LTBP1: variants seen among roughly 807,000 people sequenced by gnomAD.
LTBP1 encodes the protein latent-transforming growth factor beta-binding protein 1.
LTBP1 carries 129 observed loss-of-function variants against 207.6 expected under a neutral mutation model. The observed-to-expected ratio is 0.62, with a 90% CI of 0.54 to 0.72. The LOEUF is 0.72. LTBP1 is among the 30% of genes least tolerant of loss of function. LTBP1 has a pLI of 0.00. For synonymous variants in LTBP1, 963 were observed against 833.7 expected, an observed-to-expected ratio of 1.16 and a Z score of -2.67; for missense variants, 2,281 against 2,217.2, an observed-to-expected ratio of 1.03 and a Z score of -0.58.
At chr2:33,331,545 C>G (rs1040541710) in intron 24 of LTBP1, among the ~76,000 whole-genome samples, 1 of 152,024 alleles carries the variant, frequency 6.6e-6, no homozygotes, top group Non-Finnish European at 1.5e-5. Flanking sequence ...TTACTGGTTT[C>G]TACCTTAAAA....
intron 2 of LTBP1, among the ~76,000 whole-genome samples, chr2:32,950,286 G>A (rs1676901835): frequency 2.6e-5 from 4 of 152,192 alleles, no homozygotes; most frequent in African/African-American, 7.2e-5. Context: ...GCCTGGTGCG[G>A]TGACTCATGC....
chr2:33,193,720 T>C (rs1266016484), intron 7 of LTBP1, among the ~76,000 whole-genome samples: 1 of 152,184 alleles, frequency 6.6e-6, no homozygotes, highest in African/African-American at 2.4e-5. Flanking sequence ...GTTATGGTGA[T>C]GTGTGATAAG....
intron 5 of LTBP1, among the ~76,000 whole-genome samples, chr2:33,148,281 A>G (rs540992926): frequency 6.6e-6 from 1 of 152,366 alleles, no homozygotes; most frequent in South Asian, 2.1e-4. Context: ...AAGAGAAGCT[A>G]CACTTGAATT....
intron 10 of LTBP1, among the ~76,000 whole-genome samples, chr2:33,251,664 C>G (rs1380448291): frequency 3.0e-5 from 2 of 65,844 alleles, no homozygotes; most frequent in African/African-American, 6.4e-5. Flanking sequence ...GACTCAGTCT[C>G]AAAAAAAAAA....
At chr2:33,007,413 G>T (rs910936062) in intron 2 of LTBP1, among the ~76,000 whole-genome samples, 4 of 152,146 alleles carry the variant, frequency 2.6e-5, no homozygotes, top group Non-Finnish European at 5.9e-5. Flanking sequence ...AAATCAAATG[G>T]TAATTTTAAA....
intron 3 of LTBP1, among the ~76,000 whole-genome samples, chr2:33,096,990 G>A (rs1396712506): frequency 1.3e-5 from 2 of 152,156 alleles, no homozygotes; most frequent in South Asian, 2.1e-4. Context: ...TAGGGTAGAA[G>A]GAGTGGGGAT....
At chr2:32,970,698 T>G (rs925771535) in intron 2 of LTBP1, among the ~76,000 whole-genome samples, 10 of 152,066 alleles carry the variant, frequency 6.6e-5, no homozygotes, top group African/African-American at 2.4e-4. Flanking sequence ...TGTGATACCT[T>G]CAGCTTTGTT....
At chr2:33,272,644 C>T (rs1416729356) in intron 15 of LTBP1, among the ~76,000 whole-genome samples, 7 of 152,170 alleles carry the variant, frequency 4.6e-5, no homozygotes, top group Admixed American at 3.9e-4. Flanking sequence ...CCATTTTACA[C>T]ATGTAGAAAA....
chr2:33,188,833 G>A lies in LTBP1; in HGVS notation c.1683G>A (p.Gln561=). Residue 561 remains glutamine (Q), a synonymous_variant, in exon 7 of 34, where the codon CAG becomes CAA. Transcript: ENST00000404816. ...AAKTQLGRCF[Q]ETIGSQCGKA... is the part of the protein sequence containing the mutation. ...AGACACAGCTTGGCCGGTGCTTCCA[G>A]GAAACCATTGGGTCACAGGTAAACA... 6 of 1,614,076 alleles carry A rather than the reference G, an allele frequency of 3.7e-6. No individual in the cohort carries two copies. The highest frequency in any genetic ancestry group is 5.1e-6 in the Non-Finnish European group (6 of 1,180,018).
At position 32,992,422 on chromosome 2, in the gene LTBP1, G is replaced by A. The variant is rs150885080; in HGVS notation, c.566-28487G>A. On this transcript the variant is annotated intron_variant, in intron 2 of 33. Transcript: ENST00000404816. ...GAAACCAGTGTGGACAAAAGCCCAG[G>A]GATGGGAAACATGAGTTTGTCCAAA... Among the ~76,000 whole-genome samples, 857 of 152,284 alleles carry A rather than the reference G, an allele frequency of 5.6e-3. 4 individuals carry two copies. Among genetic ancestry groups the A allele is most frequent in the African/African-American group, 0.018 (766 of 41,550 alleles).
Position 33,272,991 on chromosome 2 carries a change from C to T in LTBP1, c.2618-665C>T, listed in dbSNP as rs2093352816. On this transcript the variant is annotated intron_variant, in intron 15 of 33. Transcript: ENST00000404816. ...TACAGGATATATAGAAGAAGCCAGT[C>T]TTACACAGGGCTCAGTAAGGGAGTA... 2.0e-5 allele frequency among the ~76,000 whole-genome samples: 3 copies of T among 152,152 alleles called. No individual in the cohort carries two copies. The South Asian group carries it at 6.2e-4, about 32-fold the overall frequency.
rs374524139 is a variant in LTBP1, at chr2:33,005,046, C to T, written c.566-15863C>T. Reference sequence around the variant, plus strand: ...ATATCTGTGCTGATTTTTATTTTGACGACTTGTTCATACAGCCACAGCTGT... The same window carrying T: ...ATATCTGTGCTGATTTTTATTTTGATGACTTGTTCATACAGCCACAGCTGT... On this transcript the variant is annotated intron_variant, in intron 2 of 33. Transcript: ENST00000404816. Among the ~76,000 whole-genome samples, 13 of 151,966 alleles carry T rather than the reference C, an allele frequency of 8.6e-5. No individual in the cohort carries two copies. The South Asian group carries it at 1.7e-3, about 20-fold the overall frequency.
chr2:33,365,460 G>A lies in LTBP1; in HGVS notation c.4668G>A (p.Glu1556=), dbSNP rs1417932722. The A allele has an allele frequency of 4.3e-6, 7 of 1,614,146 alleles. No homozygotes were observed. Among genetic ancestry groups the A allele is most frequent in the Admixed American group, 3.3e-5 (2 of 60,010 alleles). The change falls in exon 31 of 34, where the codon GAG becomes GAA. Residue 1556 remains glutamate (E), a synonymous_variant. Coordinates refer to ENST00000404816, the MANE Select transcript of LTBP1 (RefSeq NM_206943.4). The stretch of plus-strand genomic sequence containing the variant: ...CTGAGTGCTGCTGTCTGTATGGAGA[G>A]GCCTGGGGCATGCAGTGTGCCCTCT... The part of the protein sequence containing the change: ...TYTECCCLYG[E]AWGMQCALCP...
At chr2:33,205,802 A>G (rs1483335295) in intron 7 of LTBP1, among the ~76,000 whole-genome samples, 1 of 152,180 alleles carries the variant, frequency 6.6e-6, no homozygotes, top group African/African-American at 2.4e-5. Context: ...ACTAAGGTTA[A>G]GTGAGATCAT....
At chr2:33,369,013 A>G (rs914745316) in intron 31 of LTBP1, among the ~76,000 whole-genome samples, 2 of 152,220 alleles carry the variant, frequency 1.3e-5, no homozygotes, top group Non-Finnish European at 2.9e-5. Context: ...CTAAAAATGA[A>G]TTTTATTTTA....
intron 7 of LTBP1, 46 bp downstream of exon 7, chr2:33,188,897 G>A: frequency 6.4e-7 from 1 of 1,554,990 alleles, no homozygotes. Context: ...TTACAGATAT[G>A]GTATCATTTT....
At chr2:33,194,349 C>T (rs1306375157) in intron 7 of LTBP1, among the ~76,000 whole-genome samples, 2 of 151,962 alleles carry the variant, frequency 1.3e-5, no homozygotes, top group Non-Finnish European at 2.9e-5. Context: ...ATGTTGAAAG[C>T]CAAAATAAGC....
chr2:33,316,308 G>A (rs1433541301), intron 24 of LTBP1, among the ~76,000 whole-genome samples: 1 of 152,170 alleles, frequency 6.6e-6, no homozygotes, highest in African/African-American at 2.4e-5. Flanking sequence ...AATTGCAAAA[G>A]TTTTGTTCTG....
At chr2:33,352,427 AC>A (rs755306250) in intron 26 of LTBP1, among the ~76,000 whole-genome samples, 24 of 151,816 alleles carry the variant, frequency 1.6e-4, no homozygotes, top group Admixed American at 2.6e-4. Context: ...ACTGCACCCA[AC>A]TCTGTCTATT....
Sources: allele counts gnomAD v4.1 joint callset (sites outside exome capture counted in the v4.1 genomes callset), GRCh38; gene constraint gnomAD v4.1.1; transcripts MANE v1.5; gene names NCBI Gene and HGNC (gene_info 2026-07-23, HGNC 2026-07-21).